Variants in ZNF644 observed in about 807,000 individuals in gnomAD.
ZNF644 encodes zinc finger protein 644, also known as zinc finger motif enhancer binding protein 2.
In ZNF644, 20 loss-of-function variants were observed where a neutral mutation model predicts 108.0. The observed-to-expected ratio is 0.19, with a 90% CI of 0.13 to 0.27. The LOEUF (loss-of-function observed/expected upper bound fraction) is 0.27. Ranked by LOEUF, ZNF644 falls within the 10% of genes least tolerant of loss-of-function variation. The pLI is 1.00. For synonymous variants in ZNF644, 542 were observed against 539.1 expected (o/e 1.01, Z -0.08); for missense variants, 1,338 against 1,548.9 (o/e 0.86, Z 2.29).
rs567592481 is a variant in ZNF644, at chr1:90,962,615, T to G, written c.44+19695A>C. ...GATCCTAGGATAATGTTTCTTAACC[T>G]CACCCACTAGTGACACCCTGGCTAG... On this transcript the variant is annotated intron_variant, in intron 2 of 5. Coordinates refer to ENST00000337393, the MANE Select transcript of ZNF644 (RefSeq NM_201269.3). Among the ~76,000 whole-genome samples the G allele has an allele frequency of 4.6e-5, 7 of 152,202 alleles. 1 individual carries two copies. In the Middle Eastern group the frequency reaches 0.02, roughly 444 times the overall value.
chr1:90,947,628 ATAAATAC>A (rs2101017960), intron 2 of ZNF644, among the ~76,000 whole-genome samples: 1 of 152,294 alleles, frequency 6.6e-6, no homozygotes, highest in African/African-American at 2.4e-5. Context: ...GAAATATTAT[ATAAATAC>A]TAAACTATCA....
At chr1:90,965,234 A>T (rs1258217333) in intron 2 of ZNF644, among the ~76,000 whole-genome samples, 1 of 152,206 alleles carries the variant, frequency 6.6e-6, no homozygotes, top group East Asian at 1.9e-4. Flanking sequence ...GAAGTCCAAG[A>T]CAAAAGTACA....
intron 1 of ZNF644, among the ~76,000 whole-genome samples, chr1:90,997,398 G>A (rs1465926377): frequency 6.6e-6 from 1 of 152,036 alleles, no homozygotes; most frequent in Non-Finnish European, 1.5e-5. Flanking sequence ...AGATTTCAGT[G>A]CCCATATGTG....
At chr1:90,941,403 A>G in intron 2 of ZNF644, 94 bp from the exon 3 acceptor site, 2 of 1,082,496 alleles carry the variant, frequency 1.8e-6, no homozygotes, top group Non-Finnish European at 2.6e-6. Flanking sequence ...TTATTAGTTT[A>G]ATTTTCTACT....
At chr1:90,932,390 G>T (rs577678428) in intron 4 of ZNF644, among the ~76,000 whole-genome samples, 3 of 152,254 alleles carry the variant, frequency 2.0e-5, no homozygotes, top group Non-Finnish European at 2.9e-5. Context: ...ACTGGACATG[G>T]TTAGGGAGGC....
In ZNF644 at chr1:90,938,990, G is replaced by A. The variant is rs749012640; in HGVS notation, c.2364C>T (p.Asp788=). ...SSNSHNNFIS[D]PHKPDAKRPE... is the part of the protein sequence containing the mutation. ...GCCTTTTGGCGTCAGGCTTATGAGG[G>A]TCTGAAATAAAATTGTTGTGAGAAT... The change falls in exon 3 of 6, where the codon GAC becomes GAT. Residue 788 remains aspartate, a synonymous_variant. Transcript: ENST00000337393. This position sits in a 1 kb window ranked among gnomAD's most constrained non-coding sequence, Gnocchi z 4.2. 6.2e-7 allele frequency: 1 copy of A among 1,614,010 alleles called. No homozygotes were observed. Among genetic ancestry groups the A allele is most frequent in the Non-Finnish European group, 8.5e-7 (1 of 1,179,930 alleles).
chr1:91,011,155 T>C (rs1429880182), intron 1 of ZNF644, among the ~76,000 whole-genome samples: 2 of 152,228 alleles, frequency 1.3e-5, no homozygotes, highest in African/African-American at 2.4e-5. Context: ...TAGCCTTCTA[T>C]ACTTCACAAA....
At chr1:90,990,080 CTA>C (rs1244821034) in intron 1 of ZNF644, among the ~76,000 whole-genome samples, 1 of 152,160 alleles carries the variant, frequency 6.6e-6, no homozygotes, top group Non-Finnish European at 1.5e-5. Flanking sequence ...AGGACAAATA[CTA>C]TATGATTCCA....
At chr1:90,958,524 A>G (rs532151761) in intron 2 of ZNF644, among the ~76,000 whole-genome samples, 1 of 152,270 alleles carries the variant, frequency 6.6e-6, no homozygotes, top group Admixed American at 6.5e-5. Context: ...CAAAAACAGT[A>G]CCGAGAAAGA....
At chr1:90,993,648 G>A (rs1020841752) in intron 1 of ZNF644, among the ~76,000 whole-genome samples, 1 of 151,978 alleles carries the variant, frequency 6.6e-6, no homozygotes, top group African/African-American at 2.4e-5. Flanking sequence ...AGACAAGGGG[G>A]GAAAAAGGAA....
chr1:90,949,358 T>C (rs779781788), intron 2 of ZNF644, among the ~76,000 whole-genome samples: 1 of 152,138 alleles, frequency 6.6e-6, no homozygotes, highest in Non-Finnish European at 1.5e-5. Flanking sequence ...CTTGCTCAAC[T>C]TATTTTTCTG....
At chr1:90,999,179 G>T (rs1307063931) in intron 1 of ZNF644, among the ~76,000 whole-genome samples, 1 of 152,066 alleles carries the variant, frequency 6.6e-6, no homozygotes, top group Non-Finnish European at 1.5e-5. Context: ...TTCAAATTCA[G>T]GAAATACAGA....
intron 2 of ZNF644, among the ~76,000 whole-genome samples, chr1:90,958,232 T>TAAAAAA (rs777224217): frequency 1.9e-4 from 8 of 41,394 alleles, no homozygotes; most frequent in Middle Eastern, 0.017. Context: ...GCAAAACTCC[T>TAAAAAA]AAAAAAAAAA....
At chr1:91,020,443 G>A (rs1660804356) in intron 1 of ZNF644, 1 of 152,180 alleles carries the variant, frequency 6.6e-6, no homozygotes, top group Non-Finnish European at 1.5e-5. Flanking sequence ...TATAATTGCA[G>A]TATAACTTTA....
intron 4 of ZNF644, among the ~76,000 whole-genome samples, chr1:90,922,761 C>T (rs1183049295): frequency 6.6e-6 from 1 of 151,824 alleles, no homozygotes; most frequent in East Asian, 1.9e-4. Flanking sequence ...TAAGGTAGGC[C>T]CCAGTCTGTT....
At chr1:91,010,816 T>TA (rs1267544506) in intron 1 of ZNF644, among the ~76,000 whole-genome samples, 1 of 152,124 alleles carries the variant, frequency 6.6e-6, no homozygotes, top group Non-Finnish European at 1.5e-5. Context: ...GTATGACAAC[T>TA]AACCCAGTTA....
At chr1:91,010,924 ACATT>A (rs1191179991) in intron 1 of ZNF644, among the ~76,000 whole-genome samples, 1 of 152,180 alleles carries the variant, frequency 6.6e-6, no homozygotes, top group Non-Finnish European at 1.5e-5. Context: ...TTCAAACATA[ACATT>A]CATTTTTGTC....
chr1:90,961,411 A>G (rs1323815085), intron 2 of ZNF644, among the ~76,000 whole-genome samples: 1 of 152,164 alleles, frequency 6.6e-6, no homozygotes, highest in Non-Finnish European at 1.5e-5. Context: ...TGTGGGGCCC[A>G]GGGGGCATCC....
intron 1 of ZNF644, among the ~76,000 whole-genome samples, chr1:90,994,442 GA>G (rs1193041254): frequency 2.0e-5 from 3 of 152,128 alleles, no homozygotes; most frequent in Non-Finnish European, 2.9e-5. Flanking sequence ...ATTTAAATGG[GA>G]AAAACATGGC....
Sources: allele counts gnomAD v4.1 joint callset (sites outside exome capture counted in the v4.1 genomes callset), GRCh38; gene constraint gnomAD v4.1.1; non-coding constraint Gnocchi (gnomAD v3.1); transcripts MANE v1.5; gene names NCBI Gene and HGNC (gene_info 2026-07-23, HGNC 2026-07-21).